Variants in SPOCK3 observed in about 807,000 individuals in gnomAD.
SPOCK3 encodes the protein testican-3.
A neutral mutation model predicts 56.6 loss-of-function variants in SPOCK3; 30 were observed. The observed-to-expected ratio is 0.53, with a 90% CI of 0.40 to 0.72. The LOEUF (loss-of-function observed/expected upper bound fraction) is 0.72. Ranked by LOEUF, SPOCK3 falls within the 30% of genes least tolerant of loss-of-function variation. The probability of loss-of-function intolerance (pLI) is 0.00; values close to 1 mark genes in which losing one functional copy is unlikely to be tolerated. For synonymous variants in SPOCK3, 196 were observed against 183.3 expected (o/e 1.07, Z -0.56); for missense variants, 527 against 530.0 (o/e 0.99, Z 0.06).
chr4:166,794,210 C>CAAAAAAAAAAAA (rs10710162), intron 6 of SPOCK3, among the ~76,000 whole-genome samples: 3 of 73,626 alleles, frequency 4.1e-5, no homozygotes, highest in South Asian at 6.4e-4. Flanking sequence ...GGTGATAAGG[C>CAAAAAAAAAAAA]AAAAAAAAAA....
chr4:166,744,822 G>A (rs1735358741), intron 8 of SPOCK3, among the ~76,000 whole-genome samples: 1 of 152,156 alleles, frequency 6.6e-6, no homozygotes, highest in Non-Finnish European at 1.5e-5. Context: ...ACCATGGCAT[G>A]AGAACTACGT....
At chr4:166,883,997 C>T (rs763000180) in intron 6 of SPOCK3, among the ~76,000 whole-genome samples, 3 of 152,038 alleles carry the variant, frequency 2.0e-5, no homozygotes, top group Admixed American at 6.6e-5. Flanking sequence ...TTATAATGTA[C>T]ATTTAGACTA....
At position 166,905,927 on chromosome 4, in the gene SPOCK3, A is replaced by G. The variant is rs184021174; in HGVS notation, c.474+6693T>C. Reference sequence around the variant, plus strand: ...AATAAAGGGCATTATGAAATTCTATACTGAAAATTACCAAACATTAATTAA... The same window carrying G: ...AATAAAGGGCATTATGAAATTCTATGCTGAAAATTACCAAACATTAATTAA... On this transcript the variant is annotated intron_variant, in intron 5 of 10. Transcript: ENST00000357545. Among the ~76,000 whole-genome samples, 118 of 152,118 alleles carry G rather than the reference A, an allele frequency of 7.8e-4. 1 individual carries two copies. Among genetic ancestry groups the G allele is most frequent in the Non-Finnish European group, 6.2e-4 (42 of 67,946 alleles).
chr4:167,201,847 C>A (rs1733549113), intron 2 of SPOCK3, among the ~76,000 whole-genome samples: 2 of 151,774 alleles, frequency 1.3e-5, no homozygotes, highest in South Asian at 4.1e-4. Context: ...GTTATACCTG[C>A]AGACCTTTCT....
intron 2 of SPOCK3, among the ~76,000 whole-genome samples, chr4:167,200,762 A>G (rs1476038283): frequency 6.6e-6 from 1 of 152,076 alleles, no homozygotes; most frequent in Admixed American, 6.6e-5. Context: ...GTTGAGTTAT[A>G]ACACGTCACT....
intron 3 of SPOCK3, among the ~76,000 whole-genome samples, chr4:167,035,692 C>G (rs1752688023): frequency 6.6e-6 from 1 of 152,184 alleles, no homozygotes; most frequent in South Asian, 2.1e-4. Flanking sequence ...CGAATCCTGG[C>G]TAGGAAACAT....
intron 2 of SPOCK3, among the ~76,000 whole-genome samples, chr4:167,185,419 T>A (rs572343574): frequency 5.3e-5 from 8 of 152,324 alleles, no homozygotes; most frequent in African/African-American, 1.9e-4. Context: ...GCCTACACAC[T>A]TAACAGTCAG....
chr4:167,084,695 T>A (rs1758027996), intron 2 of SPOCK3, among the ~76,000 whole-genome samples: 1 of 152,100 alleles, frequency 6.6e-6, no homozygotes, highest in Admixed American at 6.6e-5. Context: ...GTGCCCACCC[T>A]CCTAAGAGTT....
intron 6 of SPOCK3, among the ~76,000 whole-genome samples, chr4:166,855,139 T>C (rs959664555): frequency 7.2e-5 from 11 of 152,208 alleles, no homozygotes; most frequent in African/African-American, 2.2e-4. Flanking sequence ...TGAAATTTGC[T>C]GTCAGTGAAT....
chr4:167,079,007 T>C (rs1757471362), intron 2 of SPOCK3, among the ~76,000 whole-genome samples: 1 of 151,856 alleles, frequency 6.6e-6, no homozygotes, highest in South Asian at 2.1e-4. Flanking sequence ...TCTCAGTTTT[T>C]CTAAATTTAT....
At chr4:167,186,140 AAAAC>A (rs1353019188) in intron 2 of SPOCK3, among the ~76,000 whole-genome samples, 13 of 152,326 alleles carry the variant, frequency 8.5e-5, no homozygotes, top group African/African-American at 2.9e-4. Flanking sequence ...GTTTTTCAGA[AAAAC>A]AAAATCAAAT....
At chr4:166,847,875 C>T (rs532624569) in intron 6 of SPOCK3, among the ~76,000 whole-genome samples, 35 of 151,718 alleles carry the variant, frequency 2.3e-4, no homozygotes, top group Admixed American at 2.0e-3. Flanking sequence ...ATGTCAAGCA[C>T]GTAATAATTC....
intron 6 of SPOCK3, among the ~76,000 whole-genome samples, chr4:166,805,036 T>G (rs1172513639): frequency 6.6e-6 from 1 of 152,164 alleles, no homozygotes; most frequent in Non-Finnish European, 1.5e-5. Flanking sequence ...CACCAACACT[T>G]TCTTTTTTCA....
chr4:166,878,058 C>A (rs62354068), intron 6 of SPOCK3, among the ~76,000 whole-genome samples: 11,756 of 152,118 alleles, frequency 0.077, 545 homozygotes, highest in Non-Finnish European at 0.1. Context: ...AGGTGGATCA[C>A]CTGAGGTCAG....
intron 4 of SPOCK3, among the ~76,000 whole-genome samples, chr4:166,942,286 C>T (rs1158633045): frequency 6.6e-6 from 1 of 151,870 alleles, no homozygotes; most frequent in African/African-American, 2.4e-5. Flanking sequence ...TATTGGCTCA[C>T]TGAAACCTCT....
At chr4:167,067,091 G>A (rs1389323601) in intron 2 of SPOCK3, among the ~76,000 whole-genome samples, 2 of 151,840 alleles carry the variant, frequency 1.3e-5, no homozygotes, top group East Asian at 3.9e-4. Context: ...GTTGGGAATA[G>A]GAGATCTTGA....
chr4:166,873,517 G>A (rs1732722358), intron 6 of SPOCK3, among the ~76,000 whole-genome samples: 1 of 152,100 alleles, frequency 6.6e-6, no homozygotes, highest in Non-Finnish European at 1.5e-5. Flanking sequence ...TGGGTTATAT[G>A]TTAAATCGCT....
chr4:166,735,862 T>C (rs1268470721), intron 10 of SPOCK3, among the ~76,000 whole-genome samples: 1 of 152,066 alleles, frequency 6.6e-6, no homozygotes, highest in Non-Finnish European at 1.5e-5. Context: ...TAAATGTGTG[T>C]TGTTTAAGCC....
chr4:166,769,555 C>T (rs1050819167), intron 7 of SPOCK3, among the ~76,000 whole-genome samples: 2 of 152,154 alleles, frequency 1.3e-5, no homozygotes, highest in Non-Finnish European at 2.9e-5. Flanking sequence ...GAAGCTTCGT[C>T]TCAGAGGGGT....
Sources: gnomAD v4.1 joint callset for allele counts (sites outside exome capture counted in the v4.1 genomes callset) on GRCh38, gnomAD v4.1.1 for gene constraint, MANE v1.5 for transcripts, NCBI Gene and HGNC (gene_info 2026-07-23, HGNC 2026-07-21) for gene names.